The following GNG7 variants were observed in gnomAD, a reference collection of about 807,000 sequenced individuals.
GNG7 encodes the protein G protein subunit gamma 7.
Under a neutral mutation model 4.0 loss-of-function variants are expected in GNG7, and 1 was observed. The ratio of observed to expected loss-of-function variants is 0.25; its 90% CI spans 0.09 to 1.18. The LOEUF (loss-of-function observed/expected upper bound fraction) is 1.18, where lower values mean the gene tolerates loss of function less well. GNG7 is among the 50% of genes most tolerant of loss of function. The probability of loss-of-function intolerance (pLI) is 0.50; values close to 1 mark genes in which losing one functional copy is unlikely to be tolerated. For missense variants in GNG7, 86 were observed against 91.9 expected, an observed-to-expected ratio of 0.94 and a Z score of 0.26; for synonymous variants, 34 against 36.9, an observed-to-expected ratio of 0.92 and a Z score of 0.29.
intron 3 of GNG7, among the ~76,000 whole-genome samples, chr19:2,527,275 C>T (rs989463435): frequency 6.6e-6 from 1 of 152,316 alleles, no homozygotes; most frequent in Non-Finnish European, 1.5e-5. Flanking sequence ...CTATCAGAAC[C>T]GGGACCCTGA....
At chr19:2,552,848 T>TCCCCCCCCCC (rs1555693069) in intron 3 of GNG7, among the ~76,000 whole-genome samples, 2 of 84,524 alleles carry the variant, frequency 2.4e-5, no homozygotes, top group African/African-American at 9.1e-5. Flanking sequence ...TCCTCCCGGC[T>TCCCCCCCCCC]CCACCCCCCC....
chr19:2,651,286 A>T lies in GNG7; in HGVS notation c.-134-5006T>A, dbSNP rs866295038. Among the ~76,000 whole-genome samples, 118 of 18,472 alleles carry T rather than the reference A, an allele frequency of 6.4e-3. 1 individual carries two copies. Among genetic ancestry groups the T allele is most frequent in the African/African-American group, 0.016 (107 of 6,832 alleles). The allele number at this position is 18,472 out of a possible 152,430, so 12.1% of individuals were successfully genotyped here. A position where few individuals can be genotyped will look rare whatever the true frequency, so the allele number is the denominator to read the frequency against. On this transcript the variant is annotated intron_variant, in intron 1 of 4. Coordinates refer to ENST00000382159, the MANE Select transcript of GNG7 (RefSeq NM_052847.3). ...CTTCCTTCCTTCCCTCCCTCCCTCC[A>T]TCCCTCCCTCCCTACCTTCCCTCCA...
chr19:2,663,307 T>A (rs1042746704), intron 1 of GNG7, among the ~76,000 whole-genome samples: 1 of 151,814 alleles, frequency 6.6e-6, no homozygotes, highest in Non-Finnish European at 1.5e-5. Context: ...ATTAATGCCA[T>A]CTCTCTTTCT....
In GNG7 at chr19:2,695,265, C is replaced by G. The variant is rs191362292; in HGVS notation, c.-135+7381G>C. ...GCTTCCTCGTGGCCTCCTGTCTGGA[C>G]CTTCCGCAGCCCCCTCTCTACCCCC... On this transcript the variant is annotated intron_variant, in intron 1 of 4. Coordinates refer to ENST00000382159, the MANE Select transcript of GNG7 (RefSeq NM_052847.3). Among the ~76,000 whole-genome samples, 14 of 151,692 alleles carry G rather than the reference C, an allele frequency of 9.2e-5. 1 individual carries two copies. Among genetic ancestry groups the G allele is most frequent in the African/African-American group, 3.2e-4 (13 of 41,048 alleles).
At chr19:2,587,662 C>T (rs10411459) in intron 2 of GNG7, among the ~76,000 whole-genome samples, 25,483 of 151,862 alleles carry the variant, frequency 0.17, 2,278 homozygotes, top group African/African-American at 0.21. Context: ...AGCTGTAACT[C>T]GAGGCAGCAT....
In GNG7 at chr19:2,512,913, C is replaced by T. The variant is rs1291794320; in HGVS notation, c.*2109G>A. On this transcript the variant is annotated 3_prime_UTR_variant, in exon 5 of 5. Transcript: ENST00000382159. This position sits in a 1 kb window ranked among gnomAD's most constrained non-coding sequence, Gnocchi z 4.7. Reference sequence around the variant, plus strand: ...CTATGCGTGGTGGGGACGCCCACACCCCAAACCCTGCCGGCTCCCAGCCCA... The same window carrying T: ...CTATGCGTGGTGGGGACGCCCACACTCCAAACCCTGCCGGCTCCCAGCCCA... 8.1e-6 allele frequency: 8 copies of T among 985,378 alleles called. No individual in the cohort carries two copies. Among genetic ancestry groups the T allele is most frequent in the Non-Finnish European group, 9.6e-6 (8 of 830,000 alleles). The allele number at this position is 985,378 out of a possible 1,614,324, so 61.0% of individuals were successfully genotyped here.
chr19:2,603,943 T>C (rs1042748414), intron 2 of GNG7, among the ~76,000 whole-genome samples: 10 of 151,916 alleles, frequency 6.6e-5, no homozygotes, highest in African/African-American at 1.7e-4. Context: ...CTCTGCCTCC[T>C]GGGTTCACGC....
chr19:2,668,435 G>A (rs1042829003), intron 1 of GNG7, among the ~76,000 whole-genome samples: 3 of 152,086 alleles, frequency 2.0e-5, no homozygotes, highest in Admixed American at 6.6e-5. Flanking sequence ...TGGGAGGGGT[G>A]GGGGAACCAG....
In GNG7 at chr19:2,617,776, T is replaced by C. The variant is rs1424923310; in HGVS notation, c.-78+28448A>G. ...CTCTGTTGCCCAGGCTGGAGTGCAG[T>C]GGTGCAGTCACAGCTCACCGCAACC... is the stretch of plus-strand genomic sequence containing the variant. On this transcript the variant is annotated intron_variant, in intron 2 of 4. Coordinates refer to ENST00000382159, the MANE Select transcript of GNG7 (RefSeq NM_052847.3). The surrounding 1 kb of genome is among the most constrained non-coding windows in gnomAD (Gnocchi z 4.7). 6.6e-6 allele frequency among the ~76,000 whole-genome samples: 1 copy of C among 151,632 alleles called. No homozygotes were observed. The highest frequency in any genetic ancestry group is 1.9e-4 in the East Asian group (1 of 5,194).
At chr19:2,526,778 T>C (rs1978410971) in intron 3 of GNG7, among the ~76,000 whole-genome samples, 1 of 150,724 alleles carries the variant, frequency 6.6e-6, no homozygotes, top group African/African-American at 2.4e-5. Flanking sequence ...TTTAGATTAC[T>C]ATTTTATATC....
intron 2 of GNG7, among the ~76,000 whole-genome samples, chr19:2,564,297 C>CA (rs988464173): frequency 1.3e-5 from 2 of 152,032 alleles, no homozygotes; most frequent in Non-Finnish European, 2.9e-5. Flanking sequence ...AGGAGAGACA[C>CA]AGGCTGAGAT....
intron 3 of GNG7, among the ~76,000 whole-genome samples, chr19:2,524,856 G>A (rs1048280774): frequency 2.5e-4 from 38 of 152,332 alleles, no homozygotes; most frequent in African/African-American, 8.9e-4. Flanking sequence ...GTAGGTGCGT[G>A]GATATGTGCG....
intron 1 of GNG7, among the ~76,000 whole-genome samples, chr19:2,692,333 T>G (rs1913152730): frequency 6.6e-6 from 1 of 151,474 alleles, no homozygotes; most frequent in African/African-American, 2.4e-5. Context: ...AGTTAGGGAG[T>G]TTTTTAAGAA....
At chr19:2,516,500 A>C (rs973879547) in intron 4 of GNG7, among the ~76,000 whole-genome samples, 6 of 152,170 alleles carry the variant, frequency 3.9e-5, no homozygotes, top group Admixed American at 1.3e-4. Flanking sequence ...CTGGGATTAC[A>C]GGCGTGAGCC....
chr19:2,638,108 T>A (rs1214360636), intron 2 of GNG7, among the ~76,000 whole-genome samples: 7 of 151,908 alleles, frequency 4.6e-5, no homozygotes, highest in Non-Finnish European at 5.9e-5. Flanking sequence ...CTCACGCCTG[T>A]CACCCCAGCA....
rs577335324 is a variant in GNG7 at position 2,532,012 on chromosome 19, G to A, written c.-37-11287C>T. ...TAAAAACACAAAAAATTAGCCGGGCGCCATGGCAGGCGCCTCTAGTCCCAG... is the reference window on the plus strand; with the variant it reads ...TAAAAACACAAAAAATTAGCCGGGCACCATGGCAGGCGCCTCTAGTCCCAG... On this transcript the variant is annotated intron_variant, in intron 3 of 4. Coordinates refer to ENST00000382159, the MANE Select transcript of GNG7 (RefSeq NM_052847.3). Among the ~76,000 whole-genome samples, 9 of 149,936 alleles carry A rather than the reference G, an allele frequency of 6.0e-5. No individual in the cohort carries two copies. In the East Asian group the frequency reaches 6.1e-4, roughly 10 times the overall value.
At chr19:2,553,182 G>A (rs1979391996) in intron 3 of GNG7, among the ~76,000 whole-genome samples, 1 of 148,122 alleles carries the variant, frequency 6.8e-6, no homozygotes, top group South Asian at 2.1e-4. Context: ...AGAAACGAAA[G>A]GAGGACATTA....
intron 1 of GNG7, chr19:2,701,199 C>A (rs1451593087): frequency 3.3e-5 from 5 of 152,080 alleles, no homozygotes; most frequent in African/African-American, 1.2e-4. Flanking sequence ...GGGGTTCTGC[C>A]CCGTGCCCAG....
intron 2 of GNG7, among the ~76,000 whole-genome samples, chr19:2,593,937 A>AAC (rs1980928255): frequency 6.6e-6 from 1 of 151,650 alleles, no homozygotes; most frequent in African/African-American, 2.4e-5. Flanking sequence ...CCAAAAAAAA[A>AAC]AAAAAACTTT....
Sources: allele counts gnomAD v4.1 joint callset (sites outside exome capture counted in the v4.1 genomes callset), GRCh38; gene constraint gnomAD v4.1.1; non-coding constraint Gnocchi (gnomAD v3.1); transcripts MANE v1.5; gene names NCBI Gene and HGNC (gene_info 2026-07-23, HGNC 2026-07-21).